ERN1: variants seen among roughly 807,000 people sequenced by gnomAD.
The protein encoded by ERN1 is serine/threonine-protein kinase/endoribonuclease IRE1.
A neutral mutation model predicts 113.1 loss-of-function variants in ERN1; 39 were observed. The ratio of observed to expected loss-of-function variants is 0.34; its 90% CI spans 0.27 to 0.45. The LOEUF is 0.45. Ranked by LOEUF, ERN1 falls within the 20% of genes least tolerant of loss-of-function variation. ERN1 has a pLI of 1.00. For missense variants in ERN1, 976 were observed against 1,274.8 expected (o/e 0.77, Z 3.57); for synonymous variants, 507 against 515.9 (o/e 0.98, Z 0.23).
At chr17:64,067,244 G>T (rs1356761892) in intron 7 of ERN1, among the ~76,000 whole-genome samples, 2 of 152,046 alleles carry the variant, frequency 1.3e-5, no homozygotes, top group Non-Finnish European at 2.9e-5. Context: ...AGCCAGTGGA[G>T]ATGCCTATTA....
chr17:64,089,340 A>T (rs1436876348), intron 2 of ERN1, among the ~76,000 whole-genome samples: 3 of 150,724 alleles, frequency 2.0e-5, no homozygotes, highest in Non-Finnish European at 4.4e-5. Context: ...AAAAAAAAAA[A>T]AAAAAGAGGA....
intron 6 of ERN1, among the ~76,000 whole-genome samples, chr17:64,068,785 A>C (rs1913319734): frequency 6.6e-6 from 1 of 152,084 alleles, no homozygotes; most frequent in South Asian, 2.1e-4. Context: ...AAAAGGGGTG[A>C]CCCAGCTTGT....
At chr17:64,129,365 G>T (rs889609758) in intron 1 of ERN1, 7 of 155,414 alleles carry the variant, frequency 4.5e-5, no homozygotes, top group Non-Finnish European at 8.5e-5. Context: ...GGAAGTCTCG[G>T]TGCACAGAAG....
chr17:64,050,301 CCA>C (rs1394976075), intron 17 of ERN1, among the ~76,000 whole-genome samples: 2 of 152,144 alleles, frequency 1.3e-5, no homozygotes, highest in Non-Finnish European at 1.5e-5. Context: ...TTCACGCCCC[CCA>C]CACTCTCTGC....
chr17:64,105,090 A>G (rs538340576), intron 1 of ERN1, among the ~76,000 whole-genome samples: 32 of 152,262 alleles, frequency 2.1e-4, no homozygotes, highest in African/African-American at 7.7e-4. Context: ...AAATGGATCA[A>G]GTCCAACCCA....
chr17:64,074,756 G>T lies in ERN1; in HGVS notation c.355+419C>A, dbSNP rs531175592. 6.4e-4 allele frequency among the ~76,000 whole-genome samples: 98 copies of T among 152,336 alleles called. 2 individuals carry two copies. The South Asian group carries it at 0.02, about 31-fold the overall frequency. ...ATAGGTATGAAGGCAGTTTATCTAGGCAAGCTATTAAGTGCTGTTCTATCA... is the reference window on the plus strand; with the variant it reads ...ATAGGTATGAAGGCAGTTTATCTAGTCAAGCTATTAAGTGCTGTTCTATCA... On this transcript the variant is annotated intron_variant, in intron 5 of 21. Transcript: ENST00000433197.
At chr17:64,129,209 C>G (rs1915162915) in intron 1 of ERN1, 1 of 152,244 alleles carries the variant, frequency 6.6e-6, no homozygotes, top group African/African-American at 2.4e-5. Context: ...TTCGTCTCCT[C>G]CAGAAAAAGA....
chr17:64,063,928 C>A lies in ERN1; in HGVS notation c.1087+58G>T. ...CGGTGTAACTACCAGGGCCGGCGGT[C>A]GCCCACCAGGAGGCAGCACGCTGTC... On this transcript the variant is annotated intron_variant, in intron 10 of 21. Coordinates refer to ENST00000433197, the MANE Select transcript of ERN1 (RefSeq NM_001433.5). The surrounding 1 kb of genome is among the most constrained non-coding windows in gnomAD (Gnocchi z 5.1). The A allele has an allele frequency of 1.9e-6, 3 of 1,553,430 alleles. No homozygotes were observed. Among genetic ancestry groups the A allele is most frequent in the Non-Finnish European group, 2.6e-6 (3 of 1,135,736 alleles).
intron 11 of ERN1, among the ~76,000 whole-genome samples, chr17:64,059,456 C>G (rs977641073): frequency 6.6e-6 from 1 of 152,184 alleles, no homozygotes; most frequent in Non-Finnish European, 1.5e-5. Context: ...GTCACTAAGC[C>G]TCAGACGTCC....
intron 2 of ERN1, among the ~76,000 whole-genome samples, chr17:64,088,093 C>T (rs1598071320): frequency 6.6e-6 from 1 of 152,192 alleles, no homozygotes. Context: ...AGTAAGATCC[C>T]TTTGATTACA....
chr17:64,050,822 T>A (rs143244705), intron 17 of ERN1, among the ~76,000 whole-genome samples: 12 of 152,232 alleles, frequency 7.9e-5, no homozygotes, highest in African/African-American at 2.9e-4. Flanking sequence ...CGTGTTTTTA[T>A]GATTCTTCGC....
chr17:64,056,764 A>C (rs1477992272), intron 12 of ERN1, among the ~76,000 whole-genome samples: 1 of 152,162 alleles, frequency 6.6e-6, no homozygotes, highest in Non-Finnish European at 1.5e-5. Context: ...ACCCGTGGGG[A>C]AAGTTACTTA....
rs765928626 is a variant in ERN1 at position 64,055,665 on chromosome 17, C to G, written c.1672+10G>C. On this transcript the variant is annotated intron_variant, in intron 13 of 21. Transcript: ENST00000433197. ...ACATAAAATAGCACCAAGATGGCAA[C>G]TGGCTTTACCTCCATCGTCTTGTTC... is the stretch of plus-strand genomic sequence containing the variant. 1 of 1,555,642 alleles carries G rather than the reference C, an allele frequency of 6.4e-7. No homozygotes were observed.
At chr17:64,109,172 GA>G (rs1377281823) in intron 1 of ERN1, among the ~76,000 whole-genome samples, 1 of 151,800 alleles carries the variant, frequency 6.6e-6, no homozygotes, top group African/African-American at 2.4e-5. Context: ...AACCCCAAGG[GA>G]AAAAAATTTA....
intron 12 of ERN1, among the ~76,000 whole-genome samples, chr17:64,057,035 A>G (rs927920862): frequency 1.3e-5 from 2 of 152,116 alleles, no homozygotes; most frequent in African/African-American, 4.8e-5. Context: ...TCTGCTACAG[A>G]ACTTGCTCAT....
intron 10 of ERN1, among the ~76,000 whole-genome samples, chr17:64,061,436 C>T (rs1468175986): frequency 6.6e-6 from 1 of 152,194 alleles, no homozygotes; most frequent in Non-Finnish European, 1.5e-5. Flanking sequence ...ATGATCTTTC[C>T]ATTGTTCCCC....
intron 4 of ERN1, 94 bp downstream of exon 4, chr17:64,079,568 C>T (rs1351430547): frequency 3.0e-6 from 3 of 1,004,180 alleles, no homozygotes; most frequent in Non-Finnish European, 4.6e-6. Context: ...TTTAAAAGCT[C>T]CAGGTGGGAG....
Position 64,054,141 on chromosome 17 carries a change from T to C in ERN1, c.1953+109A>G, listed in dbSNP as rs376295935. On this transcript the variant is annotated intron_variant, in intron 15 of 21. Transcript: ENST00000433197. This position sits in a 1 kb window ranked among gnomAD's most constrained non-coding sequence, Gnocchi z 4.9. ...TCTTTGTAGAGATGGGGTTTCACCA[T>C]GTTGTCCAGGCTGGTCTCAAACTCC... is the stretch of plus-strand genomic sequence containing the variant. 2 of 987,566 alleles carry C rather than the reference T, an allele frequency of 2.0e-6. No homozygotes were observed. Among genetic ancestry groups the C allele is most frequent in the South Asian group, 1.7e-5 (1 of 59,050 alleles). The allele number at this position is 987,566 out of a possible 1,614,324, so 61.2% of individuals were successfully genotyped here.
intron 11 of ERN1, among the ~76,000 whole-genome samples, chr17:64,059,834 T>A (rs973356422): frequency 2.7e-5 from 4 of 145,764 alleles, no homozygotes; most frequent in African/African-American, 1.0e-4. Context: ...TCAGATCTCA[T>A]CACTTCTTCA....
Sources: allele counts gnomAD v4.1 joint callset (sites outside exome capture counted in the v4.1 genomes callset), GRCh38; gene constraint gnomAD v4.1.1; non-coding constraint Gnocchi (gnomAD v3.1); transcripts MANE v1.5; gene names NCBI Gene and HGNC (gene_info 2026-07-23, HGNC 2026-07-21).